The following SLC44A3 variants were observed in gnomAD, a reference collection of about 807,000 sequenced individuals.
The protein encoded by SLC44A3 is solute carrier family 44 member 3, also known as choline transporter-like protein 3.
A neutral mutation model predicts 75.4 loss-of-function variants in SLC44A3; 74 were observed. The observed-to-expected ratio is 0.98, with a 90% CI of 0.81 to 1.19. The LOEUF (loss-of-function observed/expected upper bound fraction) is 1.19, where lower values mean the gene tolerates loss of function less well. SLC44A3 is among the 50% of genes most tolerant of loss of function. SLC44A3 has a pLI of 0.00. For missense variants in SLC44A3, 700 were observed against 778.6 expected, an observed-to-expected ratio of 0.90 and a Z score of 1.20; for synonymous variants, 310 against 296.9, an observed-to-expected ratio of 1.04 and a Z score of -0.45.
chr1:94,872,636 G>T (rs1263098600), intron 12 of SLC44A3, among the ~76,000 whole-genome samples: 2 of 152,140 alleles, frequency 1.3e-5, no homozygotes, highest in Non-Finnish European at 2.9e-5. Flanking sequence ...AGTAACTTGG[G>T]TGAGTCCCTT....
chr1:94,836,350 T>TA (rs982843696), intron 5 of SLC44A3, among the ~76,000 whole-genome samples: 2 of 152,080 alleles, frequency 1.3e-5, no homozygotes, highest in African/African-American at 4.8e-5. Context: ...AGGAAGAAGC[T>TA]AAAAAAAGGT....
intron 6 of SLC44A3, among the ~76,000 whole-genome samples, chr1:94,839,595 G>T (rs772728192): frequency 2.6e-5 from 4 of 152,036 alleles, no homozygotes; most frequent in Non-Finnish European, 4.4e-5. Context: ...TGCCAGGTTG[G>T]CCAGGCTGTT....
chr1:94,867,970 TAAG>T (rs1349217708), intron 12 of SLC44A3, among the ~76,000 whole-genome samples: 1 of 152,226 alleles, frequency 6.6e-6, no homozygotes, highest in Non-Finnish European at 1.5e-5. Context: ...GTGTCTTCTC[TAAG>T]AACTATAATT....
rs1442474161 is a variant in SLC44A3, at chr1:94,892,393, T to C, written c.1733T>C (p.Val578Ala). Residue 578 changes from valine to alanine, a missense_variant, in exon 14 of 15, where the codon GTA becomes GCA. Val to Ala is a moderately conservative substitution (Grantham distance 64, BLOSUM62 0). Coordinates refer to ENST00000271227, the MANE Select transcript of SLC44A3 (RefSeq NM_001114106.3). Reference sequence around the variant, plus strand: ...TTGGTAGCTTTTTTTGCCTACTTAGTAGCCCATAGTTTTTTATCTGTGTTT... The same window carrying C: ...TTGGTAGCTTTTTTTGCCTACTTAGCAGCCCATAGTTTTTTATCTGTGTTT... ...LLLVAFFAYLVAHSFLSVFET... is the reference protein window; with the variant it reads ...LLLVAFFAYLAAHSFLSVFET... 1 of 1,614,110 alleles carries C rather than the reference T, an allele frequency of 6.2e-7. No individual in the cohort carries two copies. The highest frequency in any genetic ancestry group is 1.3e-5 in the African/African-American group (1 of 74,944).
Position 94,827,937 on chromosome 1 carries a change from A to C in SLC44A3, c.415+294A>C, listed in dbSNP as rs527638214. Among the ~76,000 whole-genome samples the C allele has an allele frequency of 6.6e-5, 10 of 152,250 alleles. No homozygotes were observed. The East Asian group carries it at 1.2e-3, about 18-fold the overall frequency. ...AGGAGACAGCCCACATTTAAGACCC[A>C]AAGGCGGTGTCAGAAGGAAGGCAGA... On this transcript the variant is annotated intron_variant, in intron 4 of 14. Coordinates refer to ENST00000271227, the MANE Select transcript of SLC44A3 (RefSeq NM_001114106.3).
chr1:94,890,583 G>T (rs72718290), intron 12 of SLC44A3, among the ~76,000 whole-genome samples: 14,271 of 152,248 alleles, frequency 0.094, 707 homozygotes, highest in African/African-American at 0.12. Context: ...GGGCCTAATT[G>T]CATGCCTGTT....
At chr1:94,846,410 C>T (rs1664413610) in intron 9 of SLC44A3, among the ~76,000 whole-genome samples, 1 of 152,158 alleles carries the variant, frequency 6.6e-6, no homozygotes, top group Non-Finnish European at 1.5e-5. Flanking sequence ...AGCTCCGTAA[C>T]AGGGCAAGCA....
chr1:94,851,152 A>G (rs1240470217), intron 9 of SLC44A3, among the ~76,000 whole-genome samples: 1 of 152,004 alleles, frequency 6.6e-6, no homozygotes, highest in Non-Finnish European at 1.5e-5. Flanking sequence ...TCCCCAAACT[A>G]GTCATTCTTC....
chr1:94,878,867 A>C (rs913475649), intron 12 of SLC44A3, among the ~76,000 whole-genome samples: 171 of 152,234 alleles, frequency 1.1e-3, no homozygotes, highest in Non-Finnish European at 3.1e-4. Context: ...GATCTTGGGA[A>C]AACCAGATAT....
intron 9 of SLC44A3, among the ~76,000 whole-genome samples, chr1:94,847,089 G>T (rs1423413413): frequency 1.3e-5 from 2 of 152,228 alleles, no homozygotes; most frequent in Non-Finnish European, 2.9e-5. Context: ...ACCCAGGGAG[G>T]AACATTGGTC....
At chr1:94,846,456 A>G (rs1664422296) in intron 9 of SLC44A3, among the ~76,000 whole-genome samples, 1 of 152,246 alleles carries the variant, frequency 6.6e-6, no homozygotes, top group Non-Finnish European at 1.5e-5. Flanking sequence ...TGCAGTCTGA[A>G]GCCAGATAAG....
At chr1:94,852,226 T>G (rs770714838) in intron 9 of SLC44A3, among the ~76,000 whole-genome samples, 10 of 151,914 alleles carry the variant, frequency 6.6e-5, no homozygotes, top group Non-Finnish European at 1.5e-4. Context: ...CAGTCAATGT[T>G]ATAGTACTTT....
intron 12 of SLC44A3, among the ~76,000 whole-genome samples, chr1:94,885,923 T>G (rs1218605226): frequency 2.0e-5 from 3 of 152,202 alleles, no homozygotes; most frequent in Non-Finnish European, 2.9e-5. Flanking sequence ...AGATGGAAAT[T>G]AGAAAGTTGT....
At chr1:94,843,363 C>A (rs698966) in intron 8 of SLC44A3, 82,082 of 152,028 alleles carry the variant, frequency 0.54, 22,264 homozygotes, top group East Asian at 0.69. Flanking sequence ...TACCAATTCC[C>A]GGTTGCTAGA....
chr1:94,851,343 A>G (rs556675190), intron 9 of SLC44A3, among the ~76,000 whole-genome samples: 3 of 152,300 alleles, frequency 2.0e-5, no homozygotes, highest in African/African-American at 7.2e-5. Context: ...GGTACTTGAG[A>G]TACAGCAGTG....
rs118018509 is a variant in SLC44A3 at position 94,877,679 on chromosome 1, A to G, written c.1482+10262A>G. Among the ~76,000 whole-genome samples, 112 of 152,282 alleles carry G rather than the reference A, an allele frequency of 7.4e-4. 1 individual carries two copies. In the East Asian group the frequency reaches 0.019, roughly 26 times the overall value. ...ACAGCTTTCTTATCTAGGTGGGGCG[A>G]AAAAGTTCCCAAAAGTTTTGGCAAG... On this transcript the variant is annotated intron_variant, in intron 12 of 14. Coordinates refer to ENST00000271227, the MANE Select transcript of SLC44A3 (RefSeq NM_001114106.3).
At chr1:94,821,455 A>C (rs1373324608) in intron 2 of SLC44A3, among the ~76,000 whole-genome samples, 1 of 152,172 alleles carries the variant, frequency 6.6e-6, no homozygotes, top group Non-Finnish European at 1.5e-5. Flanking sequence ...CCTAGAAATA[A>C]ACTGCATTTC....
At chr1:94,844,292 T>C (rs1664096685) in intron 8 of SLC44A3, among the ~76,000 whole-genome samples, 1 of 152,142 alleles carries the variant, frequency 6.6e-6, no homozygotes, top group Non-Finnish European at 1.5e-5. Context: ...TGAATTTGAT[T>C]CAGGATAAAT....
At chr1:94,850,922 C>T (rs1665136366) in intron 9 of SLC44A3, among the ~76,000 whole-genome samples, 1 of 151,984 alleles carries the variant, frequency 6.6e-6, no homozygotes, top group Admixed American at 6.6e-5. Context: ...TTTGCAAAAG[C>T]CTGCTAGTGG....
Sources: gnomAD v4.1 joint callset for allele counts (sites outside exome capture counted in the v4.1 genomes callset) on GRCh38, gnomAD v4.1.1 for gene constraint, MANE v1.5 for transcripts, NCBI Gene and HGNC (gene_info 2026-07-23, HGNC 2026-07-21) for gene names.